Variants in CSMD1 observed in about 807,000 individuals in gnomAD.
CSMD1 encodes the protein CUB and sushi domain-containing protein 1.
CSMD1 carries 213 observed loss-of-function variants against 417.5 expected under a neutral mutation model. The observed-to-expected ratio is 0.51, with a 90% CI of 0.46 to 0.57. The LOEUF (loss-of-function observed/expected upper bound fraction) is 0.57. CSMD1 is among the 20% of genes least tolerant of loss of function. The pLI is 0.00. For synonymous variants in CSMD1, 2,862 were observed against 1,736.8 expected (o/e 1.65, Z -16.11); for missense variants, 6,923 against 4,529.7 (o/e 1.53, Z -15.17).
chr8:4,022,007 G>C (rs954477356), intron 4 of CSMD1, among the ~76,000 whole-genome samples: 5 of 151,524 alleles, frequency 3.3e-5, no homozygotes, highest in East Asian at 1.9e-4. Flanking sequence ...TCTAATTCTG[G>C]AGTCCAACAC....
At chr8:3,715,276 C>T (rs541831156) in intron 6 of CSMD1, among the ~76,000 whole-genome samples, 7 of 152,232 alleles carry the variant, frequency 4.6e-5, no homozygotes, top group South Asian at 2.1e-4. Flanking sequence ...TTATTGTTAA[C>T]GTGTGATTTG....
intron 65 of CSMD1, among the ~76,000 whole-genome samples, chr8:2,952,945 T>C (rs140296829): frequency 3.9e-5 from 6 of 152,326 alleles, no homozygotes; most frequent in South Asian, 2.1e-4. Context: ...AGCAGCCACA[T>C]AGCTGAGCTG....
At chr8:4,374,219 C>A (rs1445365942) in intron 3 of CSMD1, among the ~76,000 whole-genome samples, 2 of 152,134 alleles carry the variant, frequency 1.3e-5, no homozygotes, top group African/African-American at 4.8e-5. Context: ...GGATTAACAG[C>A]AGTCCCCACA....
chr8:3,225,500 G>C (rs184192163), intron 27 of CSMD1, among the ~76,000 whole-genome samples: 1 of 152,048 alleles, frequency 6.6e-6, no homozygotes, highest in African/African-American at 2.4e-5. Context: ...GCATCGAGCA[G>C]TACAAGCGTG....
chr8:3,494,794 A>C (rs1475168050), intron 10 of CSMD1, among the ~76,000 whole-genome samples: 2 of 152,192 alleles, frequency 1.3e-5, no homozygotes, highest in Admixed American at 1.3e-4. Context: ...TAATACTGGA[A>C]GTACATTTTA....
rs559888535 is a variant in CSMD1, at chr8:4,937,230, A to AAATG, written c.85+57101_85+57102insCATT. Among the ~76,000 whole-genome samples, 736 of 152,138 alleles carry AAATG rather than the reference A, an allele frequency of 4.8e-3. 19 individuals are homozygous for AAATG. The highest frequency in any genetic ancestry group is 0.042 in the Admixed American group (646 of 15,282). ...CCTGTCTCAAAATAAATAAATAAAT[A>AAATG]AAATTATTTTTTATAAATATAAGGA... On this transcript the variant is annotated intron_variant, in intron 1 of 69. Transcript: ENST00000635120.
intron 2 of CSMD1, among the ~76,000 whole-genome samples, chr8:4,446,862 C>A (rs1306527061): frequency 6.6e-6 from 1 of 151,240 alleles, no homozygotes; most frequent in East Asian, 2.0e-4. Flanking sequence ...ACCTTGTGAT[C>A]CACCCGCCTT....
chr8:3,055,348 C>A (rs1585239798), intron 49 of CSMD1, among the ~76,000 whole-genome samples: 1 of 152,136 alleles, frequency 6.6e-6, no homozygotes, highest in African/African-American at 2.4e-5. Context: ...TTTTGAACCA[C>A]AGTGTTTAGC....
chr8:4,375,465 G>C (rs1802672573), intron 3 of CSMD1, among the ~76,000 whole-genome samples: 1 of 152,138 alleles, frequency 6.6e-6, no homozygotes, highest in Non-Finnish European at 1.5e-5. Context: ...CCCGTTTGTA[G>C]TTTTACAGTC....
intron 1 of CSMD1, among the ~76,000 whole-genome samples, chr8:4,894,915 A>T (rs1804377671): frequency 6.6e-6 from 1 of 152,124 alleles, no homozygotes; most frequent in Non-Finnish European, 1.5e-5. Context: ...ATTTTCAAGG[A>T]AGGACACTTT....
intron 26 of CSMD1, among the ~76,000 whole-genome samples, chr8:3,275,666 C>G (rs1011715811): frequency 6.6e-6 from 1 of 152,166 alleles, no homozygotes. Flanking sequence ...CTTCTCGCTT[C>G]ATTTCATTCA....
At chr8:3,768,321 C>T (rs995113144) in intron 5 of CSMD1, among the ~76,000 whole-genome samples, 2 of 152,148 alleles carry the variant, frequency 1.3e-5, no homozygotes, top group Non-Finnish European at 2.9e-5. Context: ...AGTGAATAAT[C>T]CAACCTAACT....
At chr8:3,048,701 G>C (rs1474489223) in intron 50 of CSMD1, among the ~76,000 whole-genome samples, 2 of 151,576 alleles carry the variant, frequency 1.3e-5, no homozygotes, top group Admixed American at 6.6e-5. Flanking sequence ...CAAAAACAGA[G>C]GCAGGATGCA....
chr8:4,936,053 G>C (rs561716643), intron 1 of CSMD1, among the ~76,000 whole-genome samples: 1 of 152,192 alleles, frequency 6.6e-6, no homozygotes, highest in Non-Finnish European at 1.5e-5. Context: ...CTTAATCAAA[G>C]AAACAGCAAA....
chr8:3,734,309 T>C (rs572566279), intron 6 of CSMD1, among the ~76,000 whole-genome samples: 10 of 152,324 alleles, frequency 6.6e-5, no homozygotes, highest in African/African-American at 2.2e-4. Context: ...GTCTGCTGCA[T>C]CTTATTTATT....
intron 10 of CSMD1, among the ~76,000 whole-genome samples, chr8:3,510,997 T>G (rs571026748): frequency 1.3e-5 from 2 of 151,754 alleles, no homozygotes; most frequent in African/African-American, 2.4e-5. Flanking sequence ...CCATCAATGA[T>G]AGACCAAACA....
intron 3 of CSMD1, among the ~76,000 whole-genome samples, chr8:4,209,775 C>T (rs763799918): frequency 2.6e-5 from 4 of 152,042 alleles, no homozygotes; most frequent in Non-Finnish European, 5.9e-5. Flanking sequence ...AGGCCATGTG[C>T]CCAGAGTGGC....
At chr8:3,280,055 G>A (rs1310904208) in intron 26 of CSMD1, among the ~76,000 whole-genome samples, 1 of 152,154 alleles carries the variant, frequency 6.6e-6, no homozygotes, top group Admixed American at 6.5e-5. Context: ...TGTTGATCTT[G>A]GGGCACATCG....
intron 3 of CSMD1, among the ~76,000 whole-genome samples, chr8:4,055,147 A>C (rs1354282929): frequency 6.6e-6 from 1 of 152,202 alleles, no homozygotes; most frequent in African/African-American, 2.4e-5. Flanking sequence ...CCTACTTCAG[A>C]AACTGTTTGA....
Sources: gnomAD v4.1 joint callset for allele counts (sites outside exome capture counted in the v4.1 genomes callset) on GRCh38, gnomAD v4.1.1 for gene constraint, MANE v1.5 for transcripts, NCBI Gene and HGNC (gene_info 2026-07-23, HGNC 2026-07-21) for gene names.